Variants in BSN observed in about 807,000 individuals in gnomAD.
BSN encodes bassoon presynaptic cytomatrix protein.
A neutral mutation model predicts 264.8 loss-of-function variants in BSN; 57 were observed. The ratio of observed to expected loss-of-function variants is 0.22; its 90% CI spans 0.17 to 0.27. The LOEUF (loss-of-function observed/expected upper bound fraction) is 0.27. BSN is among the 10% of genes least tolerant of loss of function. The probability of loss-of-function intolerance (pLI) is 1.00; values close to 1 mark genes in which losing one functional copy is unlikely to be tolerated. For synonymous variants in BSN, 2,059 were observed against 2,137.3 expected, an observed-to-expected ratio of 0.96 and a Z score of 1.01; for missense variants, 4,615 against 5,232.5, an observed-to-expected ratio of 0.88 and a Z score of 3.64.
intron 3 of BSN, 36 bp from the exon 4 acceptor site, chr3:49,650,576 T>G: frequency 6.4e-7 from 1 of 1,551,900 alleles, no homozygotes; most frequent in Non-Finnish European, 8.7e-7. Context: ...AGTGTCTTTT[T>G]AATTTTCATC....
chr3:49,661,914 C>A lies in BSN; in HGVS notation c.10069C>A (p.Arg3357Ser), dbSNP rs374322298. Residue 3357 changes from arginine (R) to serine (S), a missense_variant, in exon 6 of 12, where the codon CGC (arginine) becomes AGC (serine). Physicochemically the swap from Arg to Ser is moderately radical, Grantham distance 110 (BLOSUM62 -1). Transcript: ENST00000296452. ...GGCTCCAGCTGCCATCTCCTCAAAG[C>A]GCAGCAAGCACCGGAAGCAGGGCAT... ...SLAPAAISSK[R>S]SKHRKQGMEQ... 6.2e-7 allele frequency: 1 copy of A among 1,613,836 alleles called. No individual in the cohort carries two copies. The highest frequency in any genetic ancestry group is 1.1e-5 in the South Asian group (1 of 91,082).
At position 49,669,240 on chromosome 3, in the gene BSN, C is replaced by T. The variant is rs190222139; in HGVS notation, c.*1755C>T. ...GGACCTGCCAGAATTGTTGCCTGAG[C>T]GTGCCAGGCTGCAGGGCAGGCAGTA... On this transcript the variant is annotated 3_prime_UTR_variant, in exon 12 of 12. Coordinates refer to ENST00000296452, the MANE Select transcript of BSN (RefSeq NM_003458.4). 3.6e-4 allele frequency: 55 copies of T among 152,756 alleles called. No homozygotes were observed. The highest frequency in any genetic ancestry group is 5.3e-4 in the Non-Finnish European group (36 of 68,046). The allele number at this position is 152,756 out of a possible 1,614,324, so 9.5% of individuals were successfully genotyped here.
chr3:49,625,044 G>A lies in BSN; in HGVS notation c.294G>A (p.Gln98=). 4 of 1,593,884 alleles carry A rather than the reference G, an allele frequency of 2.5e-6. No individual in the cohort carries two copies. The highest frequency in any genetic ancestry group is 3.4e-6 in the Non-Finnish European group (4 of 1,172,298). The stretch of plus-strand genomic sequence containing the variant: ...GAGCAGCTTCCCCAACTCCGAAGCA[G>A]GCTTCTGCTACCACTCCTGGCCATG... The part of the protein sequence containing the change: ...NQRAASPTPK[Q]ASATTPGHES... Residue 98 remains glutamine, a synonymous_variant, in exon 2 of 12, where the codon CAG becomes CAA. Transcript: ENST00000296452. This position sits in a 1 kb window ranked among gnomAD's most constrained non-coding sequence, Gnocchi z 4.4.
At chr3:49,604,933 T>C (rs1467116887) in intron 1 of BSN, among the ~76,000 whole-genome samples, 3 of 151,952 alleles carry the variant, frequency 2.0e-5, no homozygotes, top group Non-Finnish European at 4.4e-5. Flanking sequence ...GGGATGTCCT[T>C]CCCAGGGCCT....
chr3:49,659,339 T>TA (rs2052634923), intron 5 of BSN, among the ~76,000 whole-genome samples: 1 of 152,078 alleles, frequency 6.6e-6, no homozygotes, highest in Admixed American at 6.6e-5. Context: ...CAGGCCATGA[T>TA]AGGCACTCAT....
intron 1 of BSN, among the ~76,000 whole-genome samples, chr3:49,581,320 C>T (rs2051894218): frequency 6.6e-6 from 1 of 152,178 alleles, no homozygotes; most frequent in Non-Finnish European, 1.5e-5. Flanking sequence ...GTTGTTTCTA[C>T]TTTTTGACTC....
intron 1 of BSN, among the ~76,000 whole-genome samples, chr3:49,589,592 C>T (rs577804186): frequency 2.0e-5 from 3 of 150,808 alleles, no homozygotes; most frequent in Non-Finnish European, 3.0e-5. Flanking sequence ...CAGCAACCTC[C>T]GCCTTCCAGG....
chr3:49,587,877 A>G (rs1422692751), intron 1 of BSN, among the ~76,000 whole-genome samples: 1 of 76,466 alleles, frequency 1.3e-5, no homozygotes, highest in East Asian at 5.5e-4. Context: ...TTGGGCAGGG[A>G]AAGTTGGGGT....
At chr3:49,592,841 T>C (rs1008819447) in intron 1 of BSN, among the ~76,000 whole-genome samples, 1 of 152,180 alleles carries the variant, frequency 6.6e-6, no homozygotes, top group Non-Finnish European at 1.5e-5. Flanking sequence ...TGGTGCAGTA[T>C]GATATTATAA....
At chr3:49,607,672 C>A (rs1240661838) in intron 1 of BSN, among the ~76,000 whole-genome samples, 1 of 152,222 alleles carries the variant, frequency 6.6e-6, no homozygotes, top group Non-Finnish European at 1.5e-5. Context: ...ATGACAGCAT[C>A]TGTCTTGATG....
Position 49,670,700 on chromosome 3 carries a change from A to G in BSN, c.*3215A>G, listed in dbSNP as rs1418935843. On this transcript the variant is annotated 3_prime_UTR_variant, in exon 12 of 12. Coordinates refer to ENST00000296452, the MANE Select transcript of BSN (RefSeq NM_003458.4). ...CCTTCTCCATACCCCTCTCCCCAGC[A>G]TCATGAGCAAGGGCATTGCCTCCTC... 1 of 152,316 alleles carries G rather than the reference A, an allele frequency of 6.6e-6. No homozygotes were observed. The highest frequency in any genetic ancestry group is 1.5e-5 in the Non-Finnish European group (1 of 68,126). The allele number at this position is 152,316 out of a possible 1,614,324, so 9.4% of individuals were successfully genotyped here.
At position 49,653,382 on chromosome 3, in the gene BSN, C is replaced by G; in HGVS notation, c.3826C>G (p.Arg1276Gly). The change falls in exon 5 of 12, where the codon CGA (arginine) becomes GGA (glycine). Residue 1276 changes from arginine (R) to glycine (G), a missense_variant. Arg to Gly is a moderately radical substitution (Grantham distance 125, BLOSUM62 -2). Transcript: ENST00000296452. The surrounding 1 kb of genome is among the most constrained non-coding windows in gnomAD (Gnocchi z 6.3). The stretch of plus-strand genomic sequence containing the variant: ...AGTCCGCATGCGGCAGGCCTCCTCA[C>G]GAGACCTGGCTTTTGCTGAGGACAA... Reference protein sequence around the residue: ...SIVRMRQASSRDLAFAEDKKK... With the variant: ...SIVRMRQASSGDLAFAEDKKK... 6.2e-7 allele frequency: 1 copy of G among 1,613,630 alleles called. No homozygotes were observed.
At chr3:49,650,554 T>C (rs2052532648) in intron 3 of BSN, 58 bp from the exon 4 acceptor site, 1 of 1,430,058 alleles carries the variant, frequency 7.0e-7, no homozygotes, top group Admixed American at 2.2e-5. Context: ...GGAAATATTA[T>C]TTGAGGACTT....
At chr3:49,592,808 C>T (rs964139784) in intron 1 of BSN, among the ~76,000 whole-genome samples, 8 of 151,306 alleles carry the variant, frequency 5.3e-5, no homozygotes, top group Non-Finnish European at 7.4e-5. Context: ...CCCAATTTTT[C>T]GCAGTGGTAA....
intron 3 of BSN, among the ~76,000 whole-genome samples, chr3:49,649,605 C>T (rs561516286): frequency 6.6e-6 from 1 of 152,320 alleles, no homozygotes; most frequent in East Asian, 1.9e-4. Flanking sequence ...GATGCCCAAA[C>T]CCTATGCCTG....
chr3:49,635,376 A>G (rs2052413435), intron 2 of BSN, among the ~76,000 whole-genome samples: 2 of 152,180 alleles, frequency 1.3e-5, no homozygotes, highest in Admixed American at 1.3e-4. Flanking sequence ...CCAGGAGGGG[A>G]GAATATCTGA....
intron 1 of BSN, among the ~76,000 whole-genome samples, chr3:49,601,575 G>T (rs1484418857): frequency 6.6e-6 from 1 of 152,150 alleles, no homozygotes; most frequent in Non-Finnish European, 1.5e-5. Context: ...GCCAAGTCTG[G>T]CAAATAGAGC....
At chr3:49,609,730 C>T (rs1446102892) in intron 1 of BSN, among the ~76,000 whole-genome samples, 1 of 152,158 alleles carries the variant, frequency 6.6e-6, no homozygotes, top group East Asian at 1.9e-4. Flanking sequence ...ACAGGAAAGC[C>T]AGGCCTTTTT....
In BSN at chr3:49,638,761, C is replaced by T. The variant is rs377659509; in HGVS notation, c.634-3507C>T. ...GGCGGTGAGTGCAGGCGGTTTGGCA[C>T]GTGCCTTTGTTCAGCCTGATTCAGA... On this transcript the variant is annotated intron_variant, in intron 2 of 11. Coordinates refer to ENST00000296452, the MANE Select transcript of BSN (RefSeq NM_003458.4). The surrounding 1 kb of genome is among the most constrained non-coding windows in gnomAD (Gnocchi z 4.3). 2.0e-5 allele frequency among the ~76,000 whole-genome samples: 3 copies of T among 152,200 alleles called. No individual in the cohort carries two copies. The highest frequency in any genetic ancestry group is 3.8e-4 in the East Asian group (2 of 5,198).
Sources: gnomAD v4.1 joint callset for allele counts (sites outside exome capture counted in the v4.1 genomes callset) on GRCh38, gnomAD v4.1.1 for gene constraint, Gnocchi (gnomAD v3.1) non-coding constraint, MANE v1.5 for transcripts, NCBI Gene and HGNC (gene_info 2026-07-23, HGNC 2026-07-21) for gene names.